The following HECW1 variants were observed in gnomAD, a reference collection of about 807,000 sequenced individuals.
HECW1 encodes the protein E3 ubiquitin-protein ligase HECW1.
A neutral mutation model predicts 182.3 loss-of-function variants in HECW1; 61 were observed. The observed-to-expected ratio is 0.33, with a 90% confidence interval of 0.27 to 0.41. HECW1 has a LOEUF of 0.41. Ranked by LOEUF, HECW1 falls within the 10% of genes least tolerant of loss-of-function variation. The probability of loss-of-function intolerance (pLI) is 1.00; values close to 1 mark genes in which losing one functional copy is unlikely to be tolerated. For missense variants in HECW1, 1,739 were observed against 2,108.9 expected, an observed-to-expected ratio of 0.82 and a Z score of 3.44; for synonymous variants, 859 against 832.6, an observed-to-expected ratio of 1.03 and a Z score of -0.55.
At chr7:43,319,775 A>ATTTTTTTT (rs10604163) in intron 4 of HECW1, among the ~76,000 whole-genome samples, 1,426 of 105,326 alleles carry the variant, frequency 0.014, 75 homozygotes, top group African/African-American at 0.051. Flanking sequence ...AATTTTTGTA[A>ATTTTTTTT]TTTTTTTTTT....
chr7:43,182,471 T>C (rs1047055180), intron 2 of HECW1, among the ~76,000 whole-genome samples: 1 of 152,224 alleles, frequency 6.6e-6, no homozygotes, highest in Non-Finnish European at 1.5e-5. Context: ...TGTAGATGTG[T>C]GGATTTATTT....
Position 43,407,655 on chromosome 7 carries a change from C to T in HECW1, c.725C>T (p.Pro242Leu), listed in dbSNP as rs930939044. The T allele has an allele frequency of 1.2e-6, 2 of 1,613,888 alleles. No homozygotes were observed. The highest frequency in any genetic ancestry group is 2.7e-5 in the African/African-American group (2 of 74,904). ...CAGCCTGGGAAACACAGCATCTTCC[C>T]CGCCCTCCCTCACCATGGACAGGAG... ...SIQPGKHSIFPALPHHGQERR... is the reference protein window; with the variant it reads ...SIQPGKHSIFLALPHHGQERR... The change falls in exon 8 of 30, where the codon CCC (proline) becomes CTC (leucine). Residue 242 changes from proline (P) to leucine (L), a missense_variant. Pro to Leu is a moderately conservative substitution (Grantham distance 98). Transcript: ENST00000395891.
At chr7:43,285,449 T>C (rs1469031877) in intron 3 of HECW1, among the ~76,000 whole-genome samples, 1 of 152,190 alleles carries the variant, frequency 6.6e-6, no homozygotes, top group African/African-American at 2.4e-5. Flanking sequence ...CTGAAGTTCA[T>C]GAGTCATATG....
At position 43,444,416 on chromosome 7, in the gene HECW1, C is replaced by G; in HGVS notation, c.1244C>G (p.Pro415Arg). 2 of 1,614,010 alleles carry G rather than the reference C, an allele frequency of 1.2e-6. No homozygotes were observed. Among genetic ancestry groups the G allele is most frequent in the African/African-American group, 1.3e-5 (1 of 75,014 alleles). The change falls in exon 11 of 30, where the codon CCA becomes CGA. Residue 415 changes from proline (P) to arginine (R), a missense_variant. By Grantham distance (103) the Pro-to-Arg change is moderately radical. This residue lies in a region of HECW1 where 971 missense variants were observed against 1,029.1 expected (regional missense o/e 0.94). Coordinates refer to ENST00000395891, the MANE Select transcript of HECW1 (RefSeq NM_015052.5). This position sits in a 1 kb window ranked among gnomAD's most constrained non-coding sequence, Gnocchi z 4.3. ...PGNQSIELSR[P>R]AEEAAVITEA... ...AACCAAAGCATAGAGCTTTCCAGAC[C>G]AGCTGAGGAAGCAGCAGTCATCACG...
intron 6 of HECW1, among the ~76,000 whole-genome samples, chr7:43,363,491 A>G (rs997644463): frequency 6.6e-6 from 1 of 152,170 alleles, no homozygotes; most frequent in African/African-American, 2.4e-5. Flanking sequence ...AAATCAGTAG[A>G]CACTTGGGTT....
intron 2 of HECW1, among the ~76,000 whole-genome samples, chr7:43,172,719 A>T (rs1248338121): frequency 2.0e-5 from 3 of 152,196 alleles, no homozygotes; most frequent in East Asian, 3.9e-4. Flanking sequence ...AAGGGAACAA[A>T]TGTGACAATT....
intron 2 of HECW1, among the ~76,000 whole-genome samples, chr7:43,187,400 C>T (rs1162761193): frequency 6.6e-6 from 1 of 152,180 alleles, no homozygotes; most frequent in East Asian, 1.9e-4. Flanking sequence ...TATTTTGAAC[C>T]ACCACATACC....
chr7:43,293,969 C>G (rs1805726663), intron 3 of HECW1, among the ~76,000 whole-genome samples: 2 of 152,136 alleles, frequency 1.3e-5, no homozygotes, highest in African/African-American at 4.8e-5. Context: ...AGGTTGCATG[C>G]TCCTTATGAG....
intron 3 of HECW1, among the ~76,000 whole-genome samples, chr7:43,266,122 C>T (rs976889390): frequency 2.6e-5 from 4 of 152,018 alleles, no homozygotes; most frequent in Admixed American, 2.6e-4. Context: ...CAGTCTCTAC[C>T]CCTTCCCATT....
intron 3 of HECW1, chr7:43,311,525 A>C (rs1474294219): frequency 1.3e-5 from 9 of 717,406 alleles, no homozygotes; most frequent in Non-Finnish European, 2.3e-5. Flanking sequence ...ACTCCAACAA[A>C]ACATGGAAAC....
intron 26 of HECW1, among the ~76,000 whole-genome samples, chr7:43,545,790 G>T (rs1056935901): frequency 2.0e-5 from 3 of 151,654 alleles, no homozygotes; most frequent in African/African-American, 7.3e-5. Context: ...AAGAGGAGCA[G>T]GAAAGGAAGG....
rs978440350 is a variant in HECW1, at chr7:43,493,872, T to C, written c.3437+692T>C. On this transcript the variant is annotated intron_variant, in intron 19 of 29. Coordinates refer to ENST00000395891, the MANE Select transcript of HECW1 (RefSeq NM_015052.5). ...GGTAGGGACTATTGATGGAGGCGTG[T>C]TATTCAACTCTCTGCCCTTAGTCTC... 3.9e-5 allele frequency among the ~76,000 whole-genome samples: 6 copies of C among 152,318 alleles called. No individual in the cohort carries two copies. In the East Asian group the frequency reaches 1.2e-3, roughly 29 times the overall value.
intron 6 of HECW1, among the ~76,000 whole-genome samples, chr7:43,387,986 C>T (rs867972363): frequency 1.3e-5 from 2 of 152,200 alleles, no homozygotes; most frequent in Admixed American, 6.5e-5. Flanking sequence ...ACACATTATG[C>T]CATTCCGTTC....
At chr7:43,192,251 G>A (rs983146427) in intron 2 of HECW1, among the ~76,000 whole-genome samples, 1 of 152,122 alleles carries the variant, frequency 6.6e-6, no homozygotes, top group Non-Finnish European at 1.5e-5. Context: ...GAGCCACCAC[G>A]CCTGGCAAGA....
At chr7:43,224,117 A>G (rs1226617859) in intron 2 of HECW1, among the ~76,000 whole-genome samples, 1 of 152,220 alleles carries the variant, frequency 6.6e-6, no homozygotes, top group Non-Finnish European at 1.5e-5. Context: ...TGTGGAAAAA[A>G]GAGCTTTGAT....
chr7:43,277,678 AT>A (rs1489193893), intron 3 of HECW1, among the ~76,000 whole-genome samples: 1 of 151,940 alleles, frequency 6.6e-6, no homozygotes, highest in African/African-American at 2.4e-5. Flanking sequence ...TTCCTTCTCC[AT>A]TTACCACACA....
rs1293912849 is a variant in HECW1 at position 43,492,138 on chromosome 7, G to A, written c.3298G>A (p.Ala1100Thr). The part of the protein sequence containing the change: ...LLARPGHSLV[A>T]AIRSQHQHES... ...GGCCAGGCCAGGACACAGCTTAGTA[G>A]CTGCTATTCGAAGCCAACATCAACA... The change falls in exon 18 of 30, where the codon GCT (alanine) becomes ACT (threonine). Residue 1100 changes from alanine to threonine, a missense_variant. Coordinates refer to ENST00000395891, the MANE Select transcript of HECW1 (RefSeq NM_015052.5). 1 of 1,602,806 alleles carries A rather than the reference G, an allele frequency of 6.2e-7. No homozygotes were observed. Among genetic ancestry groups the A allele is most frequent in the Non-Finnish European group, 8.5e-7 (1 of 1,177,198 alleles).
chr7:43,391,445 G>A (rs570892242), intron 6 of HECW1, among the ~76,000 whole-genome samples: 2 of 152,300 alleles, frequency 1.3e-5, no homozygotes, highest in South Asian at 4.2e-4. Context: ...TTTCACATTT[G>A]TAAGCAGGAG....
At chr7:43,508,407 C>T (rs1293834966) in intron 23 of HECW1, among the ~76,000 whole-genome samples, 1 of 152,082 alleles carries the variant, frequency 6.6e-6, no homozygotes, top group Non-Finnish European at 1.5e-5. Flanking sequence ...GGTGGTGTAC[C>T]CCTCTGAGTA....
Sources: gnomAD v4.1 joint callset for allele counts (sites outside exome capture counted in the v4.1 genomes callset) on GRCh38, gnomAD v4.1.1 for gene constraint, gnomAD v4.1.1 regional missense constraint, Gnocchi (gnomAD v3.1) non-coding constraint, MANE v1.5 for transcripts, NCBI Gene and HGNC (gene_info 2026-07-23, HGNC 2026-07-21) for gene names.